Variants in PITPNC1 observed in about 807,000 individuals in gnomAD.
PITPNC1 encodes cytoplasmic phosphatidylinositol transfer protein 1.
In PITPNC1, 18 loss-of-function variants were observed where a neutral mutation model predicts 44.7. The ratio of observed to expected loss-of-function variants is 0.40; its 90% CI spans 0.28 to 0.60. The LOEUF is 0.60. PITPNC1 is among the 20% of genes least tolerant of loss of function. The pLI is 0.39. For missense variants in PITPNC1, 290 were observed against 418.4 expected (o/e 0.69, Z 2.68); for synonymous variants, 141 against 149.6 (o/e 0.94, Z 0.42).
chr17:67,645,596 G>C (rs1033437459), intron 6 of PITPNC1, among the ~76,000 whole-genome samples: 1 of 152,042 alleles, frequency 6.6e-6, no homozygotes, highest in African/African-American at 2.4e-5. Flanking sequence ...GGATGCAGGG[G>C]GGTTAGCAAT....
intron 1 of PITPNC1, chr17:67,408,800 AAG>A (rs143597366): frequency 0.5 from 74,328 of 150,052 alleles, 19,315 homozygotes; most frequent in African/African-American, 0.65. Flanking sequence ...AGTAGTAAGA[AAG>A]GGGGAAAGAA....
intron 4 of PITPNC1, among the ~76,000 whole-genome samples, chr17:67,573,656 G>A (rs935714825): frequency 6.8e-6 from 1 of 147,866 alleles, no homozygotes; most frequent in Admixed American, 6.9e-5. Context: ...CCCGCCTCCC[G>A]GGTTCAAGCG....
intron 6 of PITPNC1, among the ~76,000 whole-genome samples, chr17:67,649,782 T>A (rs1207997390): frequency 1.3e-5 from 2 of 152,086 alleles, no homozygotes; most frequent in Non-Finnish European, 2.9e-5. Context: ...TTCCTCAGGC[T>A]CAATAATTTG....
chr17:67,591,720 T>A (rs1211842347), intron 5 of PITPNC1, among the ~76,000 whole-genome samples: 1 of 152,124 alleles, frequency 6.6e-6, no homozygotes, highest in Non-Finnish European at 1.5e-5. Flanking sequence ...ATTTAAAAAT[T>A]TTTTTGGGAG....
intron 2 of PITPNC1, among the ~76,000 whole-genome samples, chr17:67,540,293 C>T (rs1007452293): frequency 9.9e-5 from 15 of 152,046 alleles, no homozygotes; most frequent in Middle Eastern, 3.4e-3. Flanking sequence ...TTAGTAGAGA[C>T]GGTGTTTCAC....
At chr17:67,435,638 G>T (rs1238513904) in intron 1 of PITPNC1, among the ~76,000 whole-genome samples, 1 of 152,192 alleles carries the variant, frequency 6.6e-6, no homozygotes, top group East Asian at 1.9e-4. Flanking sequence ...CAGATCACGA[G>T]GTCAGGAGTT....
chr17:67,494,215 T>TTCTTTCTTTCTTTCTTTCTTTC, intron 1 of PITPNC1, among the ~76,000 whole-genome samples: 1 of 148,872 alleles, frequency 6.7e-6, no homozygotes, highest in African/African-American at 2.5e-5. Context: ...CTTTCTTTCT[T>TTCTTTCTTTCTTTCTTTCTTTC]TTTGAGACGT....
chr17:67,584,430 C>T (rs1348781201), intron 5 of PITPNC1, among the ~76,000 whole-genome samples: 3 of 152,140 alleles, frequency 2.0e-5, no homozygotes, highest in Non-Finnish European at 4.4e-5. Flanking sequence ...TATTTCATTT[C>T]TAGCTCCTCT....
intron 8 of PITPNC1, among the ~76,000 whole-genome samples, chr17:67,691,073 G>A (rs781572622): frequency 6.6e-5 from 10 of 151,312 alleles, no homozygotes; most frequent in African/African-American, 1.5e-4. Context: ...ATTGCACTCC[G>A]GCCTGTGCAA....
At chr17:67,522,132 T>C (rs555995554) in intron 1 of PITPNC1, among the ~76,000 whole-genome samples, 24 of 152,210 alleles carry the variant, frequency 1.6e-4, no homozygotes, top group Non-Finnish European at 3.4e-4. Flanking sequence ...GGTGAAACCC[T>C]GTCTCTACTA....
intron 1 of PITPNC1, among the ~76,000 whole-genome samples, chr17:67,427,335 C>A (rs1242654532): frequency 1.3e-5 from 2 of 152,094 alleles, no homozygotes; most frequent in African/African-American, 4.8e-5. Flanking sequence ...TTCAGCCTCC[C>A]GAGTAGCTGG....
At chr17:67,560,603 C>T (rs948740001) in intron 4 of PITPNC1, among the ~76,000 whole-genome samples, 1 of 152,186 alleles carries the variant, frequency 6.6e-6, no homozygotes, top group Non-Finnish European at 1.5e-5. Flanking sequence ...CACAGATGTA[C>T]CGCTGCCCTT....
intron 6 of PITPNC1, among the ~76,000 whole-genome samples, chr17:67,655,558 CAAAAAAAAAA>C (rs796111267): frequency 2.4e-5 from 1 of 42,076 alleles, no homozygotes; most frequent in Non-Finnish European, 5.0e-5. Flanking sequence ...AGACTCATCT[CAAAAAAAAAA>C]AAAAAAAAAA....
intron 1 of PITPNC1, among the ~76,000 whole-genome samples, chr17:67,419,671 C>T (rs967354724): frequency 1.3e-5 from 2 of 152,110 alleles, no homozygotes; most frequent in Non-Finnish European, 2.9e-5. Context: ...TTTGGGAGGC[C>T]GACGCAGGCG....
intron 1 of PITPNC1, among the ~76,000 whole-genome samples, chr17:67,384,094 C>G (rs1381500372): frequency 6.6e-6 from 1 of 151,986 alleles, no homozygotes; most frequent in African/African-American, 2.4e-5. Context: ...TTTAACAGTT[C>G]CTGTTCTGAC....
At chr17:67,613,843 G>C (rs2041721764) in intron 5 of PITPNC1, 2 of 133,152 alleles carry the variant, frequency 1.5e-5, no homozygotes, top group African/African-American at 2.9e-5. Context: ...AAAAAGGAGT[G>C]CTGGTTTAGG....
intron 5 of PITPNC1, among the ~76,000 whole-genome samples, chr17:67,630,740 C>G (rs2041955100): frequency 6.7e-6 from 1 of 148,772 alleles, no homozygotes; most frequent in African/African-American, 2.5e-5. Context: ...TTGAGACAGT[C>G]TCACTCTGTC....
At chr17:67,689,770 A>G (rs1014961744) in intron 8 of PITPNC1, among the ~76,000 whole-genome samples, 3 of 152,222 alleles carry the variant, frequency 2.0e-5, no homozygotes, top group Non-Finnish European at 4.4e-5. Context: ...GTGGAGTAGA[A>G]CAATGTATTC....
intron 1 of PITPNC1, among the ~76,000 whole-genome samples, chr17:67,384,977 C>T (rs75029544): frequency 0.015 from 2,236 of 152,236 alleles, 60 homozygotes; most frequent in African/African-American, 0.051. Flanking sequence ...TTCTCAAGAA[C>T]GAGCACAATT....
Sources: allele counts gnomAD v4.1 joint callset (sites outside exome capture counted in the v4.1 genomes callset), GRCh38; gene constraint gnomAD v4.1.1; transcripts MANE v1.5; gene names NCBI Gene and HGNC (gene_info 2026-07-23, HGNC 2026-07-21).